Variants in NFIL3 observed in about 807,000 individuals in gnomAD.
NFIL3 encodes nuclear factor interleukin-3-regulated protein.
In NFIL3, 5 loss-of-function variants were observed where a neutral mutation model predicts 10.0. The ratio of observed to expected loss-of-function variants is 0.50; its 90% CI spans 0.26 to 1.06. NFIL3 has a LOEUF of 1.06. Ranked by LOEUF, NFIL3 falls within the 50% of genes least tolerant of loss-of-function variation. The probability of loss-of-function intolerance (pLI) is 0.13; values close to 1 mark genes in which losing one functional copy is unlikely to be tolerated. For missense variants in NFIL3, 436 were observed against 547.6 expected (o/e 0.80, Z 2.03); for synonymous variants, 202 against 206.5 (o/e 0.98, Z 0.19).
chr9:91,447,260 G>T, the NFIL3 span, among the ~76,000 whole-genome samples: 1 of 152,124 alleles, frequency 6.6e-6, no homozygotes, highest in Non-Finnish European at 1.5e-5. Context: ...CTCTGACTTT[G>T]AGCTATTATG....
chr9:91,468,622 T>C, the NFIL3 span, among the ~76,000 whole-genome samples: 210 of 152,338 alleles, frequency 1.4e-3, no homozygotes, highest in Non-Finnish European at 2.7e-3. Flanking sequence ...CATGCCTATG[T>C]CCTGAATGGT....
upstream of NFIL3, among the ~76,000 whole-genome samples, chr9:91,424,403 C>T (rs1024140963): frequency 1.3e-5 from 2 of 152,226 alleles, no homozygotes; most frequent in Non-Finnish European, 1.5e-5. Flanking sequence ...GAGAGGAGCC[C>T]TCTACCTTGG....
chr9:91,427,596 C>T (rs1833884849), upstream of NFIL3, among the ~76,000 whole-genome samples: 1 of 150,894 alleles, frequency 6.6e-6, no homozygotes, highest in African/African-American at 2.5e-5. Flanking sequence ...AGTTCAGTTT[C>T]TGGGAATCCA....
At chr9:91,482,884 T>C in the NFIL3 span, among the ~76,000 whole-genome samples, 5 of 152,164 alleles carry the variant, frequency 3.3e-5, no homozygotes. Context: ...ATATAGGTAA[T>C]GGGGCAGAAA....
the NFIL3 span, among the ~76,000 whole-genome samples, chr9:91,449,284 T>C: frequency 6.6e-6 from 1 of 152,176 alleles, no homozygotes; most frequent in Non-Finnish European, 1.5e-5. Context: ...TCATTCCTGA[T>C]CTTAGAATGA....
At chr9:91,443,456 A>C in the NFIL3 span, among the ~76,000 whole-genome samples, 1 of 152,258 alleles carries the variant, frequency 6.6e-6, no homozygotes, top group South Asian at 2.1e-4. Flanking sequence ...GGGCACCTGC[A>C]GGCCCATGCC....
Position 91,421,143 on chromosome 9 carries a change from G to A in NFIL3, c.-173+2497C>T, listed in dbSNP as rs112391354. Among the ~76,000 whole-genome samples, 13 of 151,946 alleles carry A rather than the reference G, an allele frequency of 8.6e-5. 1 individual carries two copies. Among genetic ancestry groups the A allele is most frequent in the African/African-American group, 2.9e-4 (12 of 41,550 alleles). ...AACCTCACCGCAGAACAGGCGCGGA[G>A]TCAGGCCCCTGGATTTGCCCTGTTG... On this transcript the variant is annotated intron_variant, in intron 1 of 1. Coordinates refer to ENST00000297689, the MANE Select transcript of NFIL3 (RefSeq NM_005384.3).
At chr9:91,433,793 G>T in the NFIL3 span, among the ~76,000 whole-genome samples, 1 of 152,006 alleles carries the variant, frequency 6.6e-6, no homozygotes, top group Non-Finnish European at 1.5e-5. Context: ...CTGGTGCCTA[G>T]GCAGTGTTTA....
the NFIL3 span, among the ~76,000 whole-genome samples, chr9:91,465,516 T>C: frequency 6.6e-6 from 1 of 152,102 alleles, no homozygotes; most frequent in South Asian, 2.1e-4. Context: ...ACCTTTACTC[T>C]ATTTTTCCCA....
At chr9:91,464,739 CT>C in the NFIL3 span, among the ~76,000 whole-genome samples, 1 of 151,940 alleles carries the variant, frequency 6.6e-6, no homozygotes, top group Admixed American at 6.6e-5. Flanking sequence ...CTTAGGGAGT[CT>C]TTATCTCTGT....
chr9:91,413,954 T>C (rs1833604389), intron 1 of NFIL3, among the ~76,000 whole-genome samples: 1 of 152,194 alleles, frequency 6.6e-6, no homozygotes, highest in Admixed American at 6.5e-5. Flanking sequence ...TTACTAGATT[T>C]ACAGTAATGC....
the NFIL3 span, among the ~76,000 whole-genome samples, chr9:91,467,493 T>C: frequency 6.6e-6 from 1 of 152,146 alleles, no homozygotes; most frequent in Non-Finnish European, 1.5e-5. Context: ...CTATAATCAC[T>C]TATTAGTTAC....
intron 1 of NFIL3, among the ~76,000 whole-genome samples, chr9:91,418,859 T>G (rs1286923348): frequency 1.3e-5 from 2 of 150,168 alleles, no homozygotes; most frequent in Non-Finnish European, 3.0e-5. Context: ...TTGGGTGTTT[T>G]TTTTTTTTTT....
the NFIL3 span, among the ~76,000 whole-genome samples, chr9:91,478,846 T>C: frequency 6.6e-6 from 1 of 152,194 alleles, no homozygotes; most frequent in African/African-American, 2.4e-5. Flanking sequence ...ATCCTTTTTG[T>C]TGATGTTGAT....
chr9:91,434,427 C>T, the NFIL3 span, among the ~76,000 whole-genome samples: 95 of 152,106 alleles, frequency 6.2e-4, no homozygotes, highest in African/African-American at 2.2e-3. Context: ...ATTGGCTAGA[C>T]CTTCATCTCA....
chr9:91,435,460 G>T, the NFIL3 span, among the ~76,000 whole-genome samples: 2 of 152,110 alleles, frequency 1.3e-5, no homozygotes, highest in Non-Finnish European at 2.9e-5. Flanking sequence ...CAAATTCTAT[G>T]GTACATAAAA....
chr9:91,426,078 CCACCCCAGGCAGTGATGCTGGAGG>C (rs1833870789), upstream of NFIL3, among the ~76,000 whole-genome samples: 1 of 152,156 alleles, frequency 6.6e-6, no homozygotes, highest in Non-Finnish European at 1.5e-5. Flanking sequence ...GTGCCTGGAG[CCACCCCAGGCAGTGATGCTGGAGG>C]AGTTCTCTCA....
the NFIL3 span, among the ~76,000 whole-genome samples, chr9:91,472,414 T>G: frequency 6.6e-6 from 1 of 152,186 alleles, no homozygotes; most frequent in Non-Finnish European, 1.5e-5. Context: ...TTTTTACTCT[T>G]TTTTCTCTAA....
At chr9:91,472,856 C>A in the NFIL3 span, among the ~76,000 whole-genome samples, 1 of 152,160 alleles carries the variant, frequency 6.6e-6, no homozygotes, top group African/African-American at 2.4e-5. Flanking sequence ...TACCTTTGGT[C>A]TTTGATGATG....
Sources: allele counts gnomAD v4.1 joint callset (sites outside exome capture counted in the v4.1 genomes callset), GRCh38; gene constraint gnomAD v4.1.1; transcripts MANE v1.5; gene names NCBI Gene and HGNC (gene_info 2026-07-23, HGNC 2026-07-21).